The following B3GAT2 variants were observed in gnomAD, a reference collection of about 807,000 sequenced individuals.
B3GAT2 encodes the protein galactosylgalactosylxylosylprotein 3-beta-glucuronosyltransferase 2.
A neutral mutation model predicts 27.8 loss-of-function variants in B3GAT2; 26 were observed. The observed-to-expected ratio is 0.93, with a 90% confidence interval of 0.68 to 1.30. The LOEUF (loss-of-function observed/expected upper bound fraction) is 1.30. Among genes scored for constraint, B3GAT2 ranks in the 50% most tolerant of loss-of-function variants. The pLI is 0.00. For missense variants in B3GAT2, 458 were observed against 459.0 expected, an observed-to-expected ratio of 1.00 and a Z score of 0.02; for synonymous variants, 218 against 195.1, an observed-to-expected ratio of 1.12 and a Z score of -0.98.
intron 2 of B3GAT2, among the ~76,000 whole-genome samples, chr6:70,881,029 A>C (rs1772091764): frequency 2.6e-5 from 4 of 152,104 alleles, no homozygotes. Context: ...CTTACTGAAC[A>C]TGCTGGATTT....
At chr6:70,940,411 A>C (rs1183876430) in intron 1 of B3GAT2, among the ~76,000 whole-genome samples, 1 of 152,114 alleles carries the variant, frequency 6.6e-6, no homozygotes, top group Non-Finnish European at 1.5e-5. Context: ...CACCTCCTCC[A>C]ACAGGTGCTG....
At position 70,916,564 on chromosome 6, in the gene B3GAT2, C is replaced by T. The variant is rs146656769; in HGVS notation, c.592-22292G>A. Among the ~76,000 whole-genome samples, 2 of 152,144 alleles carry T rather than the reference C, an allele frequency of 1.3e-5. 1 individual carries two copies. The highest frequency in any genetic ancestry group is 4.1e-4 in the South Asian group (2 of 4,830). On this transcript the variant is annotated intron_variant, in intron 1 of 3. Coordinates refer to ENST00000230053, the MANE Select transcript of B3GAT2 (RefSeq NM_080742.3). ...AAATAACTCTTACTGTTTTGAGATA[C>T]ATTCTATCAATACCTAGTTTATTGA... is the stretch of plus-strand genomic sequence containing the variant.
chr6:70,935,128 A>G (rs1582391275), intron 1 of B3GAT2, among the ~76,000 whole-genome samples: 1 of 151,974 alleles, frequency 6.6e-6, no homozygotes, highest in East Asian at 1.9e-4. Context: ...GAATGAAGAT[A>G]GAAAAAAAAA....
At chr6:70,895,640 G>A (rs1284349127) in intron 1 of B3GAT2, among the ~76,000 whole-genome samples, 3 of 151,262 alleles carry the variant, frequency 2.0e-5, no homozygotes, top group African/African-American at 7.3e-5. Context: ...TGAGTAGCTC[G>A]ATTACAGCCA....
At position 70,860,607 on chromosome 6, in the gene B3GAT2, C is replaced by A; in HGVS notation, c.*1056G>T. ...TGAGAAGCTGCTCAACTTGCAAAAT[C>A]AGTTTTCCTCTCAATAAAATTATAG... On this transcript the variant is annotated 3_prime_UTR_variant, in exon 4 of 4. Transcript: ENST00000230053. The A allele has an allele frequency of 2.3e-6, 1 of 431,744 alleles. No homozygotes were observed. The highest frequency in any genetic ancestry group is 7.8e-5 in the South Asian group (1 of 12,820). The allele number at this position is 431,744 out of a possible 1,614,324, so 26.7% of individuals were successfully genotyped here.
At chr6:70,924,047 G>A (rs1386612656) in intron 1 of B3GAT2, among the ~76,000 whole-genome samples, 1 of 152,066 alleles carries the variant, frequency 6.6e-6, no homozygotes, top group African/African-American at 2.4e-5. Context: ...AGTTATTTGA[G>A]TGATGGATAC....
intron 1 of B3GAT2, among the ~76,000 whole-genome samples, chr6:70,918,285 A>G (rs1041194349): frequency 6.6e-6 from 1 of 151,888 alleles, no homozygotes; most frequent in African/African-American, 2.4e-5. Flanking sequence ...ATTTGAGCCT[A>G]TGTGTGTCTT....
chr6:70,937,017 A>G (rs1200380112), intron 1 of B3GAT2, among the ~76,000 whole-genome samples: 1 of 152,064 alleles, frequency 6.6e-6, no homozygotes, highest in Admixed American at 6.6e-5. Context: ...CAAGACTAAT[A>G]AAGAAGAAAA....
In B3GAT2 at chr6:70,954,924, G is replaced by A. The variant is rs546235862; in HGVS notation, c.591+915C>T. The stretch of plus-strand genomic sequence containing the variant: ...TGCCTGCCGGGGGCGGCGGGGGGGG[G>A]CGGTGCGCGCGTGGCCATCCCAGGG... On this transcript the variant is annotated intron_variant, in intron 1 of 3. Coordinates refer to ENST00000230053, the MANE Select transcript of B3GAT2 (RefSeq NM_080742.3). Among the ~76,000 whole-genome samples, 59 of 150,740 alleles carry A rather than the reference G, an allele frequency of 3.9e-4. No individual in the cohort carries two copies. The East Asian group carries it at 0.01, about 27-fold the overall frequency.
chr6:70,945,156 A>C (rs565970061), intron 1 of B3GAT2, among the ~76,000 whole-genome samples: 36 of 152,284 alleles, frequency 2.4e-4, no homozygotes, highest in African/African-American at 8.4e-4. Context: ...AACTCTAAAA[A>C]GCAGAGCACC....
intron 1 of B3GAT2, among the ~76,000 whole-genome samples, chr6:70,955,023 G>A (rs1198445974): frequency 2.6e-5 from 4 of 151,990 alleles, no homozygotes; most frequent in Non-Finnish European, 4.4e-5. Context: ...GACGCAAAAG[G>A]CCCCGCCAAA....
At chr6:70,865,784 A>G (rs615526) in intron 2 of B3GAT2, among the ~76,000 whole-genome samples, 115,432 of 152,134 alleles carry the variant, frequency 0.76, 44,829 homozygotes, top group East Asian at 0.93. Flanking sequence ...TTTAAATAAC[A>G]AAAAGGCAGA....
intron 2 of B3GAT2, among the ~76,000 whole-genome samples, chr6:70,887,177 C>A (rs1055484054): frequency 1.3e-5 from 2 of 152,190 alleles, no homozygotes; most frequent in African/African-American, 4.8e-5. Flanking sequence ...CAAAGCAAAA[C>A]GTCATTAATT....
intron 1 of B3GAT2, among the ~76,000 whole-genome samples, chr6:70,949,805 A>G (rs1031598836): frequency 6.6e-6 from 1 of 151,658 alleles, no homozygotes; most frequent in African/African-American, 2.4e-5. Flanking sequence ...GAACCAACCC[A>G]AATGTCCAAC....
intron 2 of B3GAT2, among the ~76,000 whole-genome samples, chr6:70,870,092 G>A (rs566812476): frequency 2.6e-5 from 4 of 152,086 alleles, no homozygotes; most frequent in East Asian, 1.9e-4. Context: ...ACATGCACAC[G>A]TATGTTTATT....
chr6:70,860,408 AT>A lies in B3GAT2; in HGVS notation c.*1254del. 1 of 1,504,646 alleles carries A rather than the reference AT, an allele frequency of 6.6e-7. No individual in the cohort carries two copies. 93.2% of individuals were successfully genotyped at this position (1,504,646 alleles called of 1,614,324 possible). Reference sequence around the variant, plus strand: ...TGAAACGCATCTAGTTCCCCTGTTTATTCATATGCATATTTTTTTTCTTTTT... The same window carrying A: ...TGAAACGCATCTAGTTCCCCTGTTTATCATATGCATATTTTTTTTCTTTTT... On this transcript the variant is annotated 3_prime_UTR_variant, in exon 4 of 4. Transcript: ENST00000230053.
At chr6:70,871,211 T>G (rs1306668830) in intron 2 of B3GAT2, among the ~76,000 whole-genome samples, 1 of 110,396 alleles carries the variant, frequency 9.1e-6, no homozygotes, top group Admixed American at 9.2e-5. Context: ...TCTGTCTGTT[T>G]TTTTTTTTTT....
intron 1 of B3GAT2, among the ~76,000 whole-genome samples, chr6:70,919,750 C>T (rs1772835613): frequency 6.6e-6 from 1 of 151,474 alleles, no homozygotes; most frequent in African/African-American, 2.4e-5. Context: ...GATATTGCTG[C>T]CTGATCCTTC....
chr6:70,925,989 T>C (rs560004657), intron 1 of B3GAT2, among the ~76,000 whole-genome samples: 5 of 152,238 alleles, frequency 3.3e-5, no homozygotes, highest in African/African-American at 4.8e-5. Context: ...TTCTGCAATA[T>C]TTGTTGTTCT....
Sources: gnomAD v4.1 joint callset for allele counts (sites outside exome capture counted in the v4.1 genomes callset) on GRCh38, gnomAD v4.1.1 for gene constraint, MANE v1.5 for transcripts, NCBI Gene and HGNC (gene_info 2026-07-23, HGNC 2026-07-21) for gene names.